Variants in NOD1 observed in about 807,000 individuals in gnomAD.
NOD1 encodes the protein nucleotide-binding oligomerization domain-containing protein 1.
Under a neutral mutation model 81.2 loss-of-function variants are expected in NOD1, and 70 were observed. That is an observed-to-expected ratio of 0.86 (90% CI 0.71 to 1.05). The LOEUF (loss-of-function observed/expected upper bound fraction) is 1.05, where lower values mean the gene tolerates loss of function less well. Ranked by LOEUF, NOD1 falls within the 50% of genes least tolerant of loss-of-function variation. The probability of loss-of-function intolerance (pLI) is 0.00; values close to 1 mark genes in which losing one functional copy is unlikely to be tolerated. For missense variants in NOD1, 1,233 were observed against 1,228.0 expected (o/e 1.00, Z -0.06); for synonymous variants, 508 against 526.9 (o/e 0.96, Z 0.49).
chr7:30,437,416 T>C (rs1255235125), intron 10 of NOD1, among the ~76,000 whole-genome samples, 157 bp downstream of exon 10: 1 of 152,140 alleles, frequency 6.6e-6, no homozygotes, highest in Non-Finnish European at 1.5e-5. Context: ...CTTTACTAGA[T>C]GGCCTCTTAT....
chr7:30,472,982 T>C (rs1788421676), intron 1 of NOD1, among the ~76,000 whole-genome samples: 1 of 152,206 alleles, frequency 6.6e-6, no homozygotes, highest in Non-Finnish European at 1.5e-5. Flanking sequence ...TTTCTGATAA[T>C]ATTTGTTGAA....
At position 30,473,667 on chromosome 7, in the gene NOD1, T is replaced by G. The variant is rs114971396; in HGVS notation, c.-352+4939A>C. Among the ~76,000 whole-genome samples the G allele has an allele frequency of 3.0e-3, 450 of 152,304 alleles. 2 individuals are homozygous for G. Among genetic ancestry groups the G allele is most frequent in the African/African-American group, 0.011 (445 of 41,550 alleles). ...TGCCACTTTCACTTCCTAAGTAAGC[T>G]GCTCTTTGGAAGCAGGGGCTCTGTT... On this transcript the variant is annotated intron_variant, in intron 1 of 13. Transcript: ENST00000222823.
At chr7:30,431,811 T>G (rs1403332136) in intron 12 of NOD1, among the ~76,000 whole-genome samples, 2 of 152,094 alleles carry the variant, frequency 1.3e-5, no homozygotes, top group Admixed American at 6.5e-5. Context: ...TCATCAAAAT[T>G]AAAAACTATT....
At chr7:30,439,734 C>A (rs1263579578) in intron 9 of NOD1, among the ~76,000 whole-genome samples, 1 of 64,886 alleles carries the variant, frequency 1.5e-5, no homozygotes, top group Non-Finnish European at 3.0e-5. Context: ...CCGGGAAGCT[C>A]GAACTGGGTG....
rs1562697158 is a variant in NOD1 at position 30,456,717 on chromosome 7, GCAC to G, written c.201+1_201+3del. ...TGCCATGCCCGTCCCTGTCCCCGGGGCACCTTGTCAGGCTGGGTGGGGCAGGCA... is the reference window on the plus strand; with the variant it reads ...TGCCATGCCCGTCCCTGTCCCCGGGGCTTGTCAGGCTGGGTGGGGCAGGCA... On this transcript the variant is annotated splice_donor_variant and splice_donor_region_variant and intron_variant, in intron 4 of 13. Transcript: ENST00000222823. LOFTEE classifies it high-confidence loss of function. 6.2e-7 allele frequency: 1 copy of G among 1,613,434 alleles called. No homozygotes were observed.
At chr7:30,462,089 G>A (rs897495519) in intron 1 of NOD1, among the ~76,000 whole-genome samples, 1 of 152,204 alleles carries the variant, frequency 6.6e-6, no homozygotes, top group Non-Finnish European at 1.5e-5. Context: ...AACTCAGTGA[G>A]ACAGAGGTTA....
At chr7:30,466,433 C>T (rs1583859469) in intron 1 of NOD1, among the ~76,000 whole-genome samples, 1 of 151,930 alleles carries the variant, frequency 6.6e-6, no homozygotes, top group Non-Finnish European at 1.5e-5. Context: ...CTCAGGCCCA[C>T]AAATAACCAC....
intron 4 of NOD1, among the ~76,000 whole-genome samples, chr7:30,456,248 G>A (rs1248827770): frequency 1.3e-5 from 2 of 152,180 alleles, no homozygotes. Flanking sequence ...GTAAGTGGAA[G>A]TAAGGGCTGT....
Position 30,478,721 on chromosome 7 carries a change from C to T in NOD1, c.-467G>A, listed in dbSNP as rs1306072421. On this transcript the variant is annotated 5_prime_UTR_variant, in exon 1 of 14. Transcript: ENST00000222823. This position sits in a 1 kb window ranked among gnomAD's most constrained non-coding sequence, Gnocchi z 4.1. ...CGCCGTGGCCCGGGAGGACGCTGCT[C>T]CCGCAGTAGCGCGAGGGAGGGGCAG... 1 of 152,308 alleles carries T rather than the reference C, an allele frequency of 6.6e-6. No individual in the cohort carries two copies. The highest frequency in any genetic ancestry group is 1.5e-5 in the Non-Finnish European group (1 of 68,102). The allele number at this position is 152,308 out of a possible 1,614,324, so 9.4% of individuals were successfully genotyped here.
In NOD1 at chr7:30,445,203, T is replaced by G. The variant is rs1160382972; in HGVS notation, c.2453+938A>C. Among the ~76,000 whole-genome samples the G allele has an allele frequency of 4.1e-5, 4 of 98,288 alleles. No homozygotes were observed. The Admixed American group carries it at 4.4e-4, about 11-fold the overall frequency. The allele number at this position is 98,288 out of a possible 152,430, so 64.5% of individuals were successfully genotyped here. On this transcript the variant is annotated intron_variant, in intron 9 of 13. Transcript: ENST00000222823. ...GTGCAGCGCACCAGCATGGCACATGTATACATATGTAACTAACCTGCACAA... is the reference window on the plus strand; with the variant it reads ...GTGCAGCGCACCAGCATGGCACATGGATACATATGTAACTAACCTGCACAA...
chr7:30,457,598 G>A (rs1178654905), intron 3 of NOD1, among the ~76,000 whole-genome samples: 2 of 152,074 alleles, frequency 1.3e-5, no homozygotes, highest in African/African-American at 4.8e-5. Context: ...TTACTATAAA[G>A]CAAAAGTGTG....
chr7:30,475,617 T>C (rs560519223), intron 1 of NOD1, among the ~76,000 whole-genome samples: 1 of 152,250 alleles, frequency 6.6e-6, no homozygotes, highest in South Asian at 2.1e-4. Flanking sequence ...AGTGGCATCA[T>C]CCCCGGTTGG....
At chr7:30,465,700 T>C (rs1487154192) in intron 1 of NOD1, among the ~76,000 whole-genome samples, 2 of 152,172 alleles carry the variant, frequency 1.3e-5, no homozygotes, top group African/African-American at 4.8e-5. Flanking sequence ...ATAACACAGC[T>C]TTCCATAAAT....
At position 30,451,959 on chromosome 7, in the gene NOD1, G is replaced by A. The variant is rs199475902; in HGVS notation, c.1458C>T (p.Ser486=). ...GCTGCATGTCTCTCTCCTGCAGCCC[G>A]GAGGCCTGCACCTCCTCCTGGGTGA... The part of the protein sequence containing the change: ...FVFTQEEVQA[S]GLQERDMQLG... Residue 486 remains serine (S), a synonymous_variant, in exon 6 of 14, where the codon TCC becomes TCT. Coordinates refer to ENST00000222823, the MANE Select transcript of NOD1 (RefSeq NM_006092.4). The surrounding 1 kb of genome is among the most constrained non-coding windows in gnomAD (Gnocchi z 4.2). The A allele has an allele frequency of 4.0e-4, 652 of 1,613,494 alleles. 8 individuals are homozygous for A. In the South Asian group the frequency reaches 6.4e-3, roughly 16 times the overall value.
chr7:30,466,888 T>C (rs781079736), intron 1 of NOD1, among the ~76,000 whole-genome samples: 11 of 152,332 alleles, frequency 7.2e-5, no homozygotes, highest in Non-Finnish European at 1.6e-4. Context: ...AGGCAGGACA[T>C]GCACCTTCTT....
chr7:30,447,002 T>C lies in NOD1; in HGVS notation c.2334A>G (p.Lys778=), dbSNP rs771036767. ...ITDVGARYVT[K]ILDECKGLTH... is the part of the protein sequence containing the mutation. ...TGAGGCCTTTGCATTCATCCAGGATTTTGGTGACGTACCTGGCTCCGACAT... is the reference window on the plus strand; with the variant it reads ...TGAGGCCTTTGCATTCATCCAGGATCTTGGTGACGTACCTGGCTCCGACAT... The change falls in exon 8 of 14, where the codon AAA becomes AAG. Residue 778 remains lysine (K), a synonymous_variant. Coordinates refer to ENST00000222823, the MANE Select transcript of NOD1 (RefSeq NM_006092.4). 2 of 1,614,054 alleles carry C rather than the reference T, an allele frequency of 1.2e-6. No individual in the cohort carries two copies. Among genetic ancestry groups the C allele is most frequent in the Non-Finnish European group, 1.7e-6 (2 of 1,180,006 alleles).
At chr7:30,436,191 G>T in intron 10 of NOD1, 110 bp from the exon 11 acceptor site, 1 of 813,508 alleles carries the variant, frequency 1.2e-6, no homozygotes, top group Non-Finnish European at 2.0e-6. Flanking sequence ...CCCCAGCCCA[G>T]GCTCACTCGG....
chr7:30,469,310 A>G (rs552625526), intron 1 of NOD1: 4 of 882,312 alleles, frequency 4.5e-6, no homozygotes, highest in East Asian at 2.4e-4. Flanking sequence ...GACTTTAAGT[A>G]TCTGAAAGCA....
rs1228727919 is a variant in NOD1 at position 30,425,645 on chromosome 7, C to A, written c.2855G>T (p.Cys952Phe). Reference protein sequence around the residue: ...KVYEDEKRIICF With the variant: ...KVYEDEKRIIFF ...GAACAGGAAAGCATCCTCTCAGAAA[C>A]AGATAATCCGCTTCTCATCTTCATA... The change falls in exon 14 of 14, where the codon TGT becomes TTT. Residue 952 changes from cysteine (C) to phenylalanine (F), a missense_variant. Transcript: ENST00000222823. The A allele has an allele frequency of 1.2e-6, 2 of 1,613,012 alleles. No individual in the cohort carries two copies. The highest frequency in any genetic ancestry group is 1.7e-6 in the Non-Finnish European group (2 of 1,178,950).
Sources: allele counts gnomAD v4.1 joint callset (sites outside exome capture counted in the v4.1 genomes callset), GRCh38; gene constraint gnomAD v4.1.1; non-coding constraint Gnocchi (gnomAD v3.1); transcripts MANE v1.5; gene names NCBI Gene and HGNC (gene_info 2026-07-23, HGNC 2026-07-21).